The following TRIM16 variants were observed in gnomAD, a reference collection of about 807,000 sequenced individuals.
TRIM16 encodes the protein tripartite motif containing 16, also known as tripartite motif-containing protein 16.
In TRIM16, 33 loss-of-function variants were observed where a neutral mutation model predicts 50.4. The ratio of observed to expected loss-of-function variants is 0.65; its 90% CI spans 0.50 to 0.88. The LOEUF (loss-of-function observed/expected upper bound fraction) is 0.88, where lower values mean the gene tolerates loss of function less well. Ranked by LOEUF, TRIM16 falls within the 40% of genes least tolerant of loss-of-function variation. The pLI is 0.00. For missense variants in TRIM16, 581 were observed against 686.8 expected (o/e 0.85, Z 1.72); for synonymous variants, 229 against 270.7 (o/e 0.85, Z 1.51).
intron 6 of TRIM16, among the ~76,000 whole-genome samples, chr17:15,652,505 C>T (rs945701100): frequency 7.2e-6 from 1 of 138,998 alleles, no homozygotes; most frequent in African/African-American, 2.8e-5. Flanking sequence ...ACTCTGTCGC[C>T]CAGGCTGGAG....
chr17:15,669,366 AAAT>A (rs1431084703), intron 6 of TRIM16, among the ~76,000 whole-genome samples: 4 of 152,166 alleles, frequency 2.6e-5, no homozygotes, highest in South Asian at 4.1e-4. Context: ...CCATTTAAAA[AAAT>A]GAGATACCTC....
chr17:15,632,884 T>A lies in TRIM16; in HGVS notation c.850-210A>T, dbSNP rs185523224. On this transcript the variant is annotated intron_variant, in intron 9 of 11. Coordinates refer to ENST00000649191, the MANE Select transcript of TRIM16 (RefSeq NM_001348119.1). The stretch of plus-strand genomic sequence containing the variant: ...TAGACCCTCAGAATAAGTGGGATTT[T>A]AAAAAAAACAAGTGAGAACATGGGA... 190 of 575,498 alleles carry A rather than the reference T, an allele frequency of 3.3e-4. 1 individual carries two copies. Among genetic ancestry groups the A allele is most frequent in the East Asian group, 2.2e-3 (68 of 31,164 alleles). 35.6% of individuals were successfully genotyped at this position (575,498 alleles called of 1,614,324 possible).
At chr17:15,664,046 A>C (rs1472347583) in intron 6 of TRIM16, among the ~76,000 whole-genome samples, 1 of 152,254 alleles carries the variant, frequency 6.6e-6, no homozygotes, top group Non-Finnish European at 1.5e-5. Flanking sequence ...TCCGAGATCC[A>C]TCTATGAAAG....
chr17:15,677,233 C>T lies in TRIM16; in HGVS notation c.-395G>A. 1.0e-6 allele frequency: 1 copy of T among 985,406 alleles called. No individual in the cohort carries two copies. The highest frequency in any genetic ancestry group is 1.2e-6 in the Non-Finnish European group (1 of 829,934). 61.0% of individuals were successfully genotyped at this position (985,406 alleles called of 1,614,324 possible). On this transcript the variant is annotated 5_prime_UTR_variant, in exon 6 of 12. The change creates a new upstream start codon in the 5' untranslated region. Transcript: ENST00000649191. ...TGCATTTGTGTTCGTGGGCTTACCA[C>T]TTCTTCCAACTAGGAGATGATACCA... is the stretch of plus-strand genomic sequence containing the variant.
chr17:15,645,590 C>A (rs1008723289), intron 7 of TRIM16, among the ~76,000 whole-genome samples: 22 of 145,326 alleles, frequency 1.5e-4, no homozygotes, highest in Non-Finnish European at 2.5e-4. Flanking sequence ...AAAAGAATCG[C>A]TTTCACTGCT....
intron 6 of TRIM16, among the ~76,000 whole-genome samples, chr17:15,666,141 C>A (rs1352303457): frequency 6.6e-6 from 1 of 152,226 alleles, no homozygotes; most frequent in East Asian, 1.9e-4. Flanking sequence ...TGTCTCTCGC[C>A]TGGATTATGG....
intron 4 of TRIM16, among the ~76,000 whole-genome samples, chr17:15,678,218 C>CA (rs201145852): frequency 0.061 from 6,303 of 103,674 alleles, 155 homozygotes; most frequent in South Asian, 0.11. Flanking sequence ...GACTGTGTCT[C>CA]AAAAAAAAAA....
At position 15,641,280 on chromosome 17, in the gene TRIM16, G is replaced by A. The variant is rs1987105140; in HGVS notation, c.615+1441C>T. 1.4e-5 allele frequency among the ~76,000 whole-genome samples: 2 copies of A among 147,832 alleles called. 1 individual carries two copies. Among genetic ancestry groups the A allele is most frequent in the South Asian group, 4.4e-4 (2 of 4,590 alleles). ...GAGGAGAGGCCTCAATACATTCAAGGAGCCAGCAGGTAATGGTTTAAAGAT... is the reference window on the plus strand; with the variant it reads ...GAGGAGAGGCCTCAATACATTCAAGAAGCCAGCAGGTAATGGTTTAAAGAT... On this transcript the variant is annotated intron_variant, in intron 8 of 11. Transcript: ENST00000649191.
intron 3 of TRIM16, among the ~76,000 whole-genome samples, chr17:15,681,899 C>T (rs1989199566): frequency 6.6e-6 from 1 of 152,136 alleles, no homozygotes. Flanking sequence ...CAGTTATTAC[C>T]AAGTACAGGG....
At chr17:15,667,092 T>C (rs1988532154) in intron 6 of TRIM16, among the ~76,000 whole-genome samples, 1 of 152,136 alleles carries the variant, frequency 6.6e-6, no homozygotes, top group Non-Finnish European at 1.5e-5. Context: ...TACCTGCTGT[T>C]ACCCAGTGGT....
chr17:15,672,671 T>C (rs1269458392), intron 6 of TRIM16, among the ~76,000 whole-genome samples: 1 of 152,146 alleles, frequency 6.6e-6, no homozygotes, highest in East Asian at 1.9e-4. Context: ...AGTTCAAGGC[T>C]GCAGTGAGCT....
At chr17:15,666,724 T>A (rs574672243) in intron 6 of TRIM16, among the ~76,000 whole-genome samples, 1 of 152,290 alleles carries the variant, frequency 6.6e-6, no homozygotes, top group African/African-American at 2.4e-5. Flanking sequence ...GATTCATCCA[T>A]GTCATGGTGC....
intron 4 of TRIM16, 36 bp downstream of exon 4, chr17:15,680,829 A>G: frequency 1.3e-6 from 2 of 1,516,090 alleles, no homozygotes; most frequent in Non-Finnish European, 1.8e-6. Context: ...CAATTAAAAT[A>G]AAATTTCCAA....
intron 6 of TRIM16, chr17:15,658,746 T>C (rs1300060210): frequency 9.5e-6 from 9 of 946,140 alleles, no homozygotes; most frequent in Non-Finnish European, 1.0e-5. Flanking sequence ...TGAGAACCAC[T>C]GAGCTGGAAG....
chr17:15,628,720 G>C lies in TRIM16; in HGVS notation c.1590C>G (p.Val530=), dbSNP rs1567666280. The change falls in exon 12 of 12, where the codon GTC becomes GTG. Residue 530 remains valine, a synonymous_variant. Transcript: ENST00000649191. ...TCTTGGAAAGCCAGAAGGCAGCATAGACTGGTTCTGAAAATTTGCAGGCAA... is the reference window on the plus strand; with the variant it reads ...TCTTGGAAAGCCAGAAGGCAGCATACACTGGTTCTGAAAATTTGCAGGCAA... ...HKFACKFSEP[V]YAAFWLSKKE... The C allele has an allele frequency of 3.7e-6, 6 of 1,614,178 alleles. No homozygotes were observed. Among genetic ancestry groups the C allele is most frequent in the East Asian group, 2.2e-5 (1 of 44,870 alleles).
intron 7 of TRIM16, among the ~76,000 whole-genome samples, chr17:15,645,141 C>G (rs1987307204): frequency 6.6e-6 from 1 of 152,170 alleles, no homozygotes; most frequent in African/African-American, 2.4e-5. Context: ...CTTAATATCT[C>G]TAAACTTCCA....
At chr17:15,652,848 C>T (rs975935135) in intron 6 of TRIM16, among the ~76,000 whole-genome samples, 11 of 152,114 alleles carry the variant, frequency 7.2e-5, no homozygotes, top group African/African-American at 2.7e-4. Context: ...ATGAACATCA[C>T]GTGGGTACTC....
intron 6 of TRIM16, among the ~76,000 whole-genome samples, 162 bp downstream of exon 6, chr17:15,677,014 T>G (rs1342786068): frequency 1.3e-5 from 2 of 152,208 alleles, no homozygotes; most frequent in Non-Finnish European, 2.9e-5. Context: ...TATCTCTTCC[T>G]TGAGTCTGGG....
At position 15,628,414 on chromosome 17, in the gene TRIM16, A is replaced by T. The variant is rs1272338888; in HGVS notation, c.*201T>A. 6.7e-5 allele frequency: 39 copies of T among 578,424 alleles called. No individual in the cohort carries two copies. Among genetic ancestry groups the T allele is most frequent in the Non-Finnish European group, 1.1e-4 (39 of 353,932 alleles). The allele number at this position is 578,424 out of a possible 1,614,324, so 35.8% of individuals were successfully genotyped here. A position where few individuals can be genotyped will look rare whatever the true frequency, so the allele number is the denominator to read the frequency against. On this transcript the variant is annotated 3_prime_UTR_variant, in exon 12 of 12. Transcript: ENST00000649191. ...ACAGTGCGAGACTCCGTCTCAAAAA[A>T]AAAAAAAAGAATTACTGCAAACACA...
Sources: allele counts gnomAD v4.1 joint callset (sites outside exome capture counted in the v4.1 genomes callset), GRCh38; gene constraint gnomAD v4.1.1; transcripts MANE v1.5; gene names NCBI Gene and HGNC (gene_info 2026-07-23, HGNC 2026-07-21).